PACRG: variants seen among roughly 807,000 people sequenced by gnomAD.
PACRG encodes parkin coregulated gene protein.
In PACRG, 29 loss-of-function variants were observed where a neutral mutation model predicts 29.7. The ratio of observed to expected loss-of-function variants is 0.98; its 90% confidence interval spans 0.73 to 1.33. PACRG has a LOEUF of 1.33. Among genes scored for constraint, PACRG ranks in the 40% most tolerant of loss-of-function variants. PACRG has a pLI of 0.00. For synonymous variants in PACRG, 116 were observed against 118.7 expected, an observed-to-expected ratio of 0.98 and a Z score of 0.15; for missense variants, 279 against 316.2, an observed-to-expected ratio of 0.88 and a Z score of 0.89.
At chr6:163,199,575 G>T (rs1162450615) in intron 4 of PACRG, among the ~76,000 whole-genome samples, 4 of 152,164 alleles carry the variant, frequency 2.6e-5, no homozygotes, top group South Asian at 2.1e-4. Context: ...TCAAACTCAG[G>T]CAGTGCAGCC....
At chr6:163,022,604 G>A (rs1042104411) in intron 2 of PACRG, among the ~76,000 whole-genome samples, 16 of 152,172 alleles carry the variant, frequency 1.1e-4, no homozygotes, top group African/African-American at 3.9e-4. Flanking sequence ...CTAAGCAGGC[G>A]ACATGCCAAT....
intron 2 of PACRG, among the ~76,000 whole-genome samples, chr6:162,814,762 C>T (rs2128363382): frequency 6.6e-6 from 1 of 152,256 alleles, no homozygotes; most frequent in African/African-American, 2.4e-5. Flanking sequence ...TCCTGGCTCT[C>T]CTCTCCGTCC....
chr6:163,282,876 A>G (rs1330165007), intron 4 of PACRG, among the ~76,000 whole-genome samples: 1 of 152,236 alleles, frequency 6.6e-6, no homozygotes, highest in African/African-American at 2.4e-5. Context: ...AAATTGCTCA[A>G]TCATCAAGCC....
At chr6:163,257,372 G>T (rs1167405286) in intron 4 of PACRG, among the ~76,000 whole-genome samples, 3 of 152,126 alleles carry the variant, frequency 2.0e-5, no homozygotes, top group African/African-American at 7.2e-5. Flanking sequence ...GACTATACCA[G>T]TTATCCAGGT....
intron 2 of PACRG, among the ~76,000 whole-genome samples, chr6:163,039,629 C>T (rs1019107709): frequency 2.0e-5 from 3 of 152,212 alleles, no homozygotes; most frequent in African/African-American, 7.2e-5. Flanking sequence ...AAGCAAAGGT[C>T]ACTCTTGCTA....
In PACRG at chr6:162,777,230, G is replaced by A. The variant is rs1783718150; in HGVS notation, c.157-36917G>A. ...CAGACTCACTTGGCTCCCTCGTGCCGGCTGTGTGACGTTGTTTTTCTCCAC... is the reference window on the plus strand; with the variant it reads ...CAGACTCACTTGGCTCCCTCGTGCCAGCTGTGTGACGTTGTTTTTCTCCAC... On this transcript the variant is annotated intron_variant, in intron 1 of 4. Coordinates refer to ENST00000366888, the MANE Select transcript of PACRG (RefSeq NM_001080379.2). The surrounding 1 kb of genome is among the most constrained non-coding windows in gnomAD (Gnocchi z 4.0). 6.6e-6 allele frequency among the ~76,000 whole-genome samples: 1 copy of A among 152,140 alleles called. No individual in the cohort carries two copies. The highest frequency in any genetic ancestry group is 1.5e-5 in the Non-Finnish European group (1 of 68,024).
intron 2 of PACRG, among the ~76,000 whole-genome samples, chr6:162,923,679 T>C (rs1056241838): frequency 2.6e-5 from 4 of 152,156 alleles, no homozygotes; most frequent in African/African-American, 4.8e-5. Flanking sequence ...TACATGGGTT[T>C]ATTTCTGGGC....
chr6:163,255,735 C>T (rs1032996458), intron 4 of PACRG, among the ~76,000 whole-genome samples: 1 of 152,148 alleles, frequency 6.6e-6, no homozygotes. Flanking sequence ...CTCCCGGGTT[C>T]AAGCAACTCT....
rs1392831591 is a variant in PACRG at position 163,239,666 on chromosome 6, CA to C, written c.614-75160del. 5.8e-4 allele frequency among the ~76,000 whole-genome samples: 84 copies of C among 144,986 alleles called. 1 individual carries two copies. Among genetic ancestry groups the C allele is most frequent in the Admixed American group, 2.7e-3 (39 of 14,292 alleles). ...CTGCCCCAACCCCTACACACACCCA[CA>C]CCCCCCACCCCTACACACACACGCA... On this transcript the variant is annotated intron_variant, in intron 4 of 4. Coordinates refer to ENST00000366888, the MANE Select transcript of PACRG (RefSeq NM_001080379.2).
At chr6:162,727,417 G>T, upstream of PACRG, 1 of 478,788 alleles carries the variant, frequency 2.1e-6, no homozygotes, top group Non-Finnish European at 3.7e-6. Flanking sequence ...CCCCGTCGAG[G>T]CGGTCTTCAT....
At chr6:163,251,182 A>C (rs1782889672) in intron 4 of PACRG, among the ~76,000 whole-genome samples, 1 of 152,090 alleles carries the variant, frequency 6.6e-6, no homozygotes, top group African/African-American at 2.4e-5. Flanking sequence ...TGATGTGTGC[A>C]TCAGATTCTC....
intron 4 of PACRG, among the ~76,000 whole-genome samples, chr6:163,288,111 G>T (rs1585401905): frequency 6.6e-6 from 1 of 152,300 alleles, no homozygotes; most frequent in Non-Finnish European, 1.5e-5. Context: ...ATGGCTAGTT[G>T]CAGAAGCTCA....
chr6:162,857,605 T>C (rs1791509315), intron 2 of PACRG, among the ~76,000 whole-genome samples: 1 of 152,230 alleles, frequency 6.6e-6, no homozygotes, highest in Non-Finnish European at 1.5e-5. Flanking sequence ...TCCATCAGAT[T>C]GTCATTCATG....
intron 1 of PACRG, among the ~76,000 whole-genome samples, chr6:162,790,296 C>T (rs891255710): frequency 6.6e-6 from 1 of 152,098 alleles, no homozygotes; most frequent in East Asian, 1.9e-4. Context: ...CAGGCATGCT[C>T]ATAGGATGGA....
At chr6:163,016,542 G>T (rs1325045663) in intron 2 of PACRG, among the ~76,000 whole-genome samples, 1 of 151,790 alleles carries the variant, frequency 6.6e-6, no homozygotes, top group South Asian at 2.1e-4. Flanking sequence ...TAATGGTAAT[G>T]GTTTTGTATA....
chr6:162,954,969 C>A (rs1368394823), intron 2 of PACRG, among the ~76,000 whole-genome samples: 4 of 152,144 alleles, frequency 2.6e-5, no homozygotes, highest in Non-Finnish European at 5.9e-5. Context: ...CGTGACAAAC[C>A]AGTTGCAGAC....
At chr6:163,094,001 ACAACTT>A (rs1316539353) in intron 4 of PACRG, among the ~76,000 whole-genome samples, 2 of 152,204 alleles carry the variant, frequency 1.3e-5, no homozygotes, top group Non-Finnish European at 2.9e-5. Flanking sequence ...ATCTTTTAAA[ACAACTT>A]CTAAGGAGAA....
At chr6:162,731,022 G>A (rs1302585371) in intron 1 of PACRG, among the ~76,000 whole-genome samples, 2 of 152,084 alleles carry the variant, frequency 1.3e-5, no homozygotes, top group Non-Finnish European at 2.9e-5. Context: ...CCAGGGTTAT[G>A]GTGACAGAGA....
intron 4 of PACRG, among the ~76,000 whole-genome samples, chr6:163,118,869 A>G (rs1325627412): frequency 2.6e-5 from 4 of 152,208 alleles, no homozygotes; most frequent in Non-Finnish European, 1.5e-5. Context: ...CTTCTCAGAC[A>G]TGTGGGAAGT....
Sources: allele counts gnomAD v4.1 joint callset (sites outside exome capture counted in the v4.1 genomes callset), GRCh38; gene constraint gnomAD v4.1.1; non-coding constraint Gnocchi (gnomAD v3.1); transcripts MANE v1.5; gene names NCBI Gene and HGNC (gene_info 2026-07-23, HGNC 2026-07-21).